The following HOGA1 variants were observed in gnomAD, a reference collection of about 807,000 sequenced individuals.
HOGA1 encodes 4-hydroxy-2-oxoglutarate aldolase 1, also known as 4-hydroxy-2-oxoglutarate aldolase, mitochondrial.
Under a neutral mutation model 34.3 loss-of-function variants are expected in HOGA1, and 30 were observed. The observed-to-expected ratio is 0.87, with a 90% CI of 0.65 to 1.19. The LOEUF (loss-of-function observed/expected upper bound fraction) is 1.19. Ranked by LOEUF, HOGA1 falls within the 50% of genes most tolerant of loss-of-function variation. HOGA1 has a pLI of 0.00. For missense variants in HOGA1, 417 were observed against 436.5 expected, an observed-to-expected ratio of 0.96 and a Z score of 0.40; for synonymous variants, 161 against 174.0, an observed-to-expected ratio of 0.93 and a Z score of 0.59.
intron 2 of HOGA1, 71 bp downstream of exon 2, chr10:97,598,974 G>A: frequency 6.2e-7 from 1 of 1,609,232 alleles, no homozygotes; most frequent in East Asian, 2.2e-5. Context: ...CCCTAGCTTG[G>A]GTCCTGTCTC....
chr10:97,602,740 C>A, intron 6 of HOGA1: 2 of 318,858 alleles, frequency 6.3e-6, no homozygotes, highest in Non-Finnish European at 9.0e-6. Context: ...GGCTGGAGTG[C>A]AGCAATCTCA....
intron 5 of HOGA1, 130 bp from the exon 6 acceptor site, chr10:97,601,727 T>A: frequency 9.3e-7 from 1 of 1,076,450 alleles, no homozygotes; most frequent in Non-Finnish European, 1.4e-6. Context: ...AGCATGCCTT[T>A]GATGTAGCCA....
intron 1 of HOGA1, among the ~76,000 whole-genome samples, chr10:97,595,981 C>A (rs1199071935): frequency 6.6e-6 from 1 of 152,210 alleles, no homozygotes; most frequent in African/African-American, 2.4e-5. Context: ...ATTTCTGGGA[C>A]ATTTTCTTAT....
chr10:97,596,900 ACT>A (rs2041076062), intron 1 of HOGA1, among the ~76,000 whole-genome samples: 2 of 151,902 alleles, frequency 1.3e-5, no homozygotes, highest in African/African-American at 4.8e-5. Context: ...GTGCCAGGAA[ACT>A]CTGTGTTTCT....
intron 1 of HOGA1, chr10:97,589,921 G>C (rs766524986): frequency 1.9e-5 from 31 of 1,613,168 alleles, no homozygotes; most frequent in Admixed American, 1.5e-4. Flanking sequence ...AGAGAAAGAG[G>C]AGAAGAAAGG....
At chr10:97,599,402 A>G in intron 3 of HOGA1, 186 bp downstream of exon 3, 1 of 737,208 alleles carries the variant, frequency 1.4e-6, no homozygotes, top group Non-Finnish European at 2.3e-6. Flanking sequence ...CTCCCCTCTA[A>G]AATTGGAGGA....
intron 6 of HOGA1, among the ~76,000 whole-genome samples, chr10:97,610,783 G>A (rs927254462): frequency 3.3e-5 from 5 of 151,866 alleles, no homozygotes; most frequent in African/African-American, 1.2e-4. Context: ...CTGGGTGACA[G>A]AGCAAGACTG....
At position 97,598,914 on chromosome 10, in the gene HOGA1, A is replaced by C; in HGVS notation, c.340+11A>C. 1 of 1,613,666 alleles carries C rather than the reference A, an allele frequency of 6.2e-7. No homozygotes were observed. The highest frequency in any genetic ancestry group is 8.5e-7 in the Non-Finnish European group (1 of 1,180,016). Reference sequence around the variant, plus strand: ...GCTCCGGATGCGAGTGTGAGCCAGAATGCCCTGGGCCCTGGGGGTGGGTGG... The same window carrying C: ...GCTCCGGATGCGAGTGTGAGCCAGACTGCCCTGGGCCCTGGGGGTGGGTGG... On this transcript the variant is annotated intron_variant, in intron 2 of 6. Coordinates refer to ENST00000370646, the MANE Select transcript of HOGA1 (RefSeq NM_138413.4).
chr10:97,601,477 C>T (rs933297805), intron 5 of HOGA1, among the ~76,000 whole-genome samples: 4 of 152,150 alleles, frequency 2.6e-5, no homozygotes, highest in African/African-American at 4.8e-5. Context: ...GCTTCCCATC[C>T]GTCCTACCCT....
At chr10:97,610,664 G>A (rs570742218) in intron 6 of HOGA1, among the ~76,000 whole-genome samples, 22 of 152,192 alleles carry the variant, frequency 1.4e-4, no homozygotes, top group African/African-American at 5.3e-4. Flanking sequence ...GCTTGGTGTG[G>A]TGGCAGGTGC....
rs2041098940 is a variant in HOGA1 at position 97,599,496 on chromosome 10, G to A, written c.469-184G>A. On this transcript the variant is annotated intron_variant, in intron 3 of 6. Coordinates refer to ENST00000370646, the MANE Select transcript of HOGA1 (RefSeq NM_138413.4). ...GGCCTTAGAACTGTGCGTGGCATATGGAAAGCACTCCATAAATATGACCCA... is the reference window on the plus strand; with the variant it reads ...GGCCTTAGAACTGTGCGTGGCATATAGAAAGCACTCCATAAATATGACCCA... The A allele has an allele frequency of 6.1e-6, 5 of 824,868 alleles. No individual in the cohort carries two copies. In the East Asian group the frequency reaches 1.2e-4, roughly 20 times the overall value. The allele number at this position is 824,868 out of a possible 1,614,324, so 51.1% of individuals were successfully genotyped here. A position where few individuals can be genotyped will look rare whatever the true frequency, so the allele number is the denominator to read the frequency against.
chr10:97,606,302 GA>G (rs796388342), intron 6 of HOGA1, among the ~76,000 whole-genome samples: 456 of 141,594 alleles, frequency 3.2e-3, no homozygotes, highest in Middle Eastern at 7.2e-3. Context: ...CCATCTCAGG[GA>G]AAAAAAAAAA....
intron 1 of HOGA1, among the ~76,000 whole-genome samples, chr10:97,597,591 T>C: frequency 6.6e-6 from 1 of 152,156 alleles, no homozygotes; most frequent in Non-Finnish European, 1.5e-5. Flanking sequence ...CAAAAATTTG[T>C]TCTGACAATA....
chr10:97,605,468 A>T (rs1378002937), intron 6 of HOGA1, among the ~76,000 whole-genome samples: 2 of 152,152 alleles, frequency 1.3e-5, no homozygotes, highest in East Asian at 1.9e-4. Flanking sequence ...CAAACAAACA[A>T]AAACCCAGAA....
At position 97,600,062 on chromosome 10, in the gene HOGA1, T is replaced by G; in HGVS notation, c.604-5T>G. 1.9e-6 allele frequency: 3 copies of G among 1,613,758 alleles called. No individual in the cohort carries two copies. The highest frequency in any genetic ancestry group is 1.7e-6 in the Non-Finnish European group (2 of 1,179,694). On this transcript the variant is annotated splice_polypyrimidine_tract_variant and splice_region_variant and intron_variant, in intron 4 of 6. Transcript: ENST00000370646. ...ACAGCTCTCACACCACATTTGCTGT[T>G]GCAGGTGACCAGGATTGGGCTGATT...
In HOGA1 at chr10:97,598,770, T is replaced by C. The variant is rs1345326413; in HGVS notation, c.212-5T>C. 2.5e-6 allele frequency: 4 copies of C among 1,614,210 alleles called. No homozygotes were observed. The highest frequency in any genetic ancestry group is 3.4e-6 in the Non-Finnish European group (4 of 1,180,024). ...GAAGGAGTTAGTCAGCTGTGTCTCT[T>C]GCAGGCTTCGTGGTCCAGGGCTCCA... is the stretch of plus-strand genomic sequence containing the variant. On this transcript the variant is annotated splice_polypyrimidine_tract_variant and splice_region_variant and intron_variant, in intron 1 of 6. Coordinates refer to ENST00000370646, the MANE Select transcript of HOGA1 (RefSeq NM_138413.4).
chr10:97,593,029 CAAAAAAAAA>C (rs1169191059), intron 1 of HOGA1, among the ~76,000 whole-genome samples: 7 of 47,800 alleles, frequency 1.5e-4, no homozygotes, highest in African/African-American at 5.3e-4. Flanking sequence ...GACTCTGTCT[CAAAAAAAAA>C]AAAAAAAAAA....
At chr10:97,592,503 G>A (rs570177951) in intron 1 of HOGA1, among the ~76,000 whole-genome samples, 2 of 151,776 alleles carry the variant, frequency 1.3e-5, no homozygotes, top group East Asian at 3.9e-4. Context: ...GCCTCCCAAA[G>A]TGCTGAGATT....
chr10:97,608,910 TCCCAGGCTGAGCTAGGCA>T (rs1057245409), intron 6 of HOGA1, among the ~76,000 whole-genome samples: 1 of 152,164 alleles, frequency 6.6e-6, no homozygotes, highest in African/African-American at 2.4e-5. Context: ...CTGGCTGCAG[TCCCAGGCTGAGCTAGGCA>T]CTCCACAATA....
Sources: gnomAD v4.1 joint callset for allele counts (sites outside exome capture counted in the v4.1 genomes callset) on GRCh38, gnomAD v4.1.1 for gene constraint, MANE v1.5 for transcripts, NCBI Gene and HGNC (gene_info 2026-07-23, HGNC 2026-07-21) for gene names.